Variants in TJP1 observed in about 807,000 individuals in gnomAD.
The protein encoded by TJP1 is tight junction protein ZO-1.
TJP1 carries 43 observed loss-of-function variants against 194.2 expected under a neutral mutation model. The observed-to-expected ratio is 0.22, with a 90% CI of 0.17 to 0.29. TJP1 has a LOEUF of 0.29. Ranked by LOEUF, TJP1 falls within the 10% of genes least tolerant of loss-of-function variation. TJP1 has a pLI of 1.00. For missense variants in TJP1, 1,971 were observed against 2,185.7 expected, an observed-to-expected ratio of 0.90 and a Z score of 1.96; for synonymous variants, 801 against 779.0, an observed-to-expected ratio of 1.03 and a Z score of -0.47.
At chr15:29,790,751 CTT>C (rs926624507) in intron 2 of TJP1, among the ~76,000 whole-genome samples, 59 of 130,750 alleles carry the variant, frequency 4.5e-4, no homozygotes, top group Admixed American at 6.2e-4. Flanking sequence ...GTTCATTTTT[CTT>C]TTTTTTTTTT....
rs202189373 is a variant in TJP1 at position 29,704,174 on chromosome 15, C to T, written c.5200G>A (p.Asp1734Asn). ...DGWSFALKSS[D>N]SSSGDPKTWQ... ...GAAGACAGCATACCCGACGAGGAGT[C>T]GGATGATTTTAGAGCAAAAGACCAA... is the stretch of plus-strand genomic sequence containing the variant. Residue 1734 changes from aspartate to asparagine, a missense_variant, in exon 27 of 28, where the codon GAC (aspartate) becomes AAC (asparagine). Physicochemically the swap from Asp to Asn is conservative, Grantham distance 23. Around this residue, in one of 5 missense-constraint regions of TJP1, gnomAD observed 1,108 missense variants for 1,128.5 expected, o/e 0.98. Coordinates refer to ENST00000614355, the MANE Select transcript of TJP1 (RefSeq NM_001330239.4). The T allele has an allele frequency of 1.4e-5, 22 of 1,560,600 alleles. No individual in the cohort carries two copies. The highest frequency in any genetic ancestry group is 1.7e-4 in the Middle Eastern group (1 of 6,000).
intron 4 of TJP1, among the ~76,000 whole-genome samples, chr15:29,768,702 C>G (rs994332915): frequency 2.0e-5 from 3 of 152,130 alleles, no homozygotes; most frequent in Non-Finnish European, 4.4e-5. Context: ...AGGTGCTTAA[C>G]TTATTGAAAG....
chr15:29,964,748 CTT>C (rs2152325516), intron 1 of TJP1, among the ~76,000 whole-genome samples: 1 of 152,346 alleles, frequency 6.6e-6, no homozygotes, highest in South Asian at 2.1e-4. Context: ...GCTCTGCAAA[CTT>C]ATACCTACCT....
chr15:29,726,721 G>A, intron 17 of TJP1, 60 bp downstream of exon 17: 1 of 1,483,346 alleles, frequency 6.7e-7, no homozygotes, highest in Non-Finnish European at 9.3e-7. Flanking sequence ...TAACATTTTG[G>A]CCTACTTAAT....
rs2272106 is a variant in TJP1, at chr15:29,766,426, C to T, written c.429G>A (p.Arg143=). ...CACTCCTTCTGTTAACCACACCACT[C>T]CGGCCACTTCTTGGATCATGTATTT... ...DEEIHDPRSG[R]SGVVNRRSEK... The change falls in exon 5 of 28, where the codon CGG becomes CGA. Residue 143 remains arginine, a synonymous_variant. Coordinates refer to ENST00000614355, the MANE Select transcript of TJP1 (RefSeq NM_001330239.4). 1 of 1,614,184 alleles carries T rather than the reference C, an allele frequency of 6.2e-7. No individual in the cohort carries two copies. The highest frequency in any genetic ancestry group is 8.5e-7 in the Non-Finnish European group (1 of 1,180,028).
chr15:29,761,896 T>A (rs45627234), intron 6 of TJP1, 127 bp from the exon 7 acceptor site: 22,596 of 865,968 alleles, frequency 0.026, 368 homozygotes, highest in Non-Finnish European at 0.031. Flanking sequence ...CTCTACACTT[T>A]TCCAAACTGT....
chr15:29,733,324 T>C lies in TJP1; in HGVS notation c.1517-11A>G. 1.3e-6 allele frequency: 2 copies of C among 1,565,136 alleles called. No homozygotes were observed. Among genetic ancestry groups the C allele is most frequent in the Non-Finnish European group, 8.8e-7 (1 of 1,140,304 alleles). On this transcript the variant is annotated splice_polypyrimidine_tract_variant and intron_variant, in intron 12 of 27. Transcript: ENST00000614355. ...CAATGCGACGATAAACTAAAAGGAA[T>C]AAAAACAAACACATTATCAATATTT...
intron 1 of TJP1, chr15:29,968,536 C>G (rs1044361684): frequency 1.4e-5 from 11 of 803,450 alleles, no homozygotes; most frequent in Non-Finnish European, 1.2e-5. Flanking sequence ...GCCCCGCGTC[C>G]CGTCGGGCCC....
intron 2 of TJP1, among the ~76,000 whole-genome samples, chr15:29,952,504 T>A (rs2055786668): frequency 6.6e-6 from 1 of 151,964 alleles, no homozygotes. Context: ...GCCAACAGGC[T>A]CAGCTGGAAC....
At position 29,821,993 on chromosome 15, in the gene TJP1, G is replaced by A. The variant is rs1009608706; in HGVS notation, c.27+9C>T. ...CCGGTCTGGCCCTGGCGGCCGCGGA[G>A]GCGCTCACCTTGGCGGCCGCAGCTC... On this transcript the variant is annotated intron_variant, in intron 1 of 27. Coordinates refer to ENST00000614355, the MANE Select transcript of TJP1 (RefSeq NM_001330239.4). 3.8e-6 allele frequency: 5 copies of A among 1,326,250 alleles called. No individual in the cohort carries two copies. Among genetic ancestry groups the A allele is most frequent in the African/African-American group, 3.0e-5 (2 of 66,128 alleles). 82.2% of individuals were successfully genotyped at this position (1,326,250 alleles called of 1,614,324 possible).
intron 2 of TJP1, among the ~76,000 whole-genome samples, chr15:29,921,759 T>C (rs1445293460): frequency 1.3e-5 from 2 of 152,322 alleles, no homozygotes; most frequent in East Asian, 3.9e-4. Flanking sequence ...GAGAATGGTA[T>C]AATGAACCCA....
At chr15:29,760,377 T>G in intron 8 of TJP1, 1 of 625,780 alleles carries the variant, frequency 1.6e-6, no homozygotes, top group Admixed American at 2.5e-5. Context: ...TAAATACTAG[T>G]GTTTTGTTTT....
chr15:29,727,118 T>C, intron 16 of TJP1, 127 bp from the exon 17 acceptor site: 1 of 745,278 alleles, frequency 1.3e-6, no homozygotes, highest in Non-Finnish European at 2.2e-6. Context: ...TCGAGGTGGG[T>C]GAATCACTTG....
chr15:29,943,050 T>C (rs897315824), intron 2 of TJP1, among the ~76,000 whole-genome samples: 6 of 152,096 alleles, frequency 3.9e-5, no homozygotes, highest in African/African-American at 1.4e-4. Context: ...TGGAGACAGA[T>C]GAAAGAATAA....
Position 29,710,951 on chromosome 15 carries a change from G to C in TJP1, c.4252C>G (p.Arg1418Gly). 6.2e-7 allele frequency: 1 copy of C among 1,613,998 alleles called. No homozygotes were observed. Among genetic ancestry groups the C allele is most frequent in the Non-Finnish European group, 8.5e-7 (1 of 1,179,970 alleles). Residue 1418 changes from arginine (R) to glycine (G), a missense_variant, in exon 24 of 28, where the codon CGC becomes GGC. By Grantham distance (125) the Arg-to-Gly change is moderately radical (BLOSUM62 -2). Around this residue, in one of 5 missense-constraint regions of TJP1, gnomAD observed 1,108 missense variants for 1,128.5 expected, o/e 0.98. Coordinates refer to ENST00000614355, the MANE Select transcript of TJP1 (RefSeq NM_001330239.4). ...GGAGTGGCCTGGATGGGTTCATAGCGTTTCTCGCCAAATGATCTATCCACA... is the reference window on the plus strand; with the variant it reads ...GGAGTGGCCTGGATGGGTTCATAGCCTTTCTCGCCAAATGATCTATCCACA... ...DGVDRSFGEK[R>G]YEPIQATPPP...
At chr15:29,950,074 C>A (rs1207759468) in intron 2 of TJP1, among the ~76,000 whole-genome samples, 1 of 49,830 alleles carries the variant, frequency 2.0e-5, no homozygotes, top group African/African-American at 1.2e-4. Context: ...CCACCACCTC[C>A]ACCACCACCA....
chr15:29,860,561 T>C (rs1158616844), intron 2 of TJP1, among the ~76,000 whole-genome samples: 1 of 152,166 alleles, frequency 6.6e-6, no homozygotes, highest in Non-Finnish European at 1.5e-5. Flanking sequence ...TCATTTACCC[T>C]GAGTTTTCAA....
chr15:29,711,607 C>A (rs1416438472), intron 23 of TJP1, among the ~76,000 whole-genome samples: 1 of 152,186 alleles, frequency 6.6e-6, no homozygotes, highest in Non-Finnish European at 1.5e-5. Flanking sequence ...CTCAAGTGAG[C>A]CGCCTGCCTC....
intron 2 of TJP1, among the ~76,000 whole-genome samples, chr15:29,856,374 T>C (rs2051851435): frequency 6.6e-6 from 1 of 152,178 alleles, no homozygotes; most frequent in Admixed American, 6.5e-5. Context: ...TATTGCACTA[T>C]TCCATTAAAA....
Sources: gnomAD v4.1 joint callset for allele counts (sites outside exome capture counted in the v4.1 genomes callset) on GRCh38, gnomAD v4.1.1 for gene constraint, gnomAD v4.1.1 regional missense constraint, MANE v1.5 for transcripts, NCBI Gene and HGNC (gene_info 2026-07-23, HGNC 2026-07-21) for gene names.